Variants in CEMIP observed in about 807,000 individuals in gnomAD.
The protein encoded by CEMIP is cell migration inducing hyaluronidase 1.
A neutral mutation model predicts 156.9 loss-of-function variants in CEMIP; 105 were observed. The ratio of observed to expected loss-of-function variants is 0.67; its 90% CI spans 0.57 to 0.79. The LOEUF (loss-of-function observed/expected upper bound fraction) is 0.79, where lower values mean the gene tolerates loss of function less well. Among genes scored for constraint, CEMIP ranks in the 30% least tolerant of loss-of-function variants. The pLI is 0.00. For missense variants in CEMIP, 1,457 were observed against 1,769.4 expected (o/e 0.82, Z 3.17); for synonymous variants, 676 against 668.4 (o/e 1.01, Z -0.17).
chr15:80,942,210 C>T (rs779400159), intron 26 of CEMIP, 41 bp from the exon 27 acceptor site: 11 of 1,574,120 alleles, frequency 7.0e-6, no homozygotes, highest in Non-Finnish European at 8.7e-6. Flanking sequence ...GGAATGACTA[C>T]CCAAACCTAA....
At chr15:80,887,923 G>C (rs1199557573) in intron 8 of CEMIP, among the ~76,000 whole-genome samples, 159 bp downstream of exon 8, 1 of 152,266 alleles carries the variant, frequency 6.6e-6, no homozygotes, top group African/African-American at 2.4e-5. Flanking sequence ...TTACATGGAA[G>C]TGGCAAAGGC....
intron 21 of CEMIP, 91 bp from the exon 22 acceptor site, chr15:80,931,768 C>G (rs1268342438): frequency 2.5e-5 from 33 of 1,322,600 alleles, no homozygotes; most frequent in Non-Finnish European, 3.6e-5. Flanking sequence ...TCAGAAGGGG[C>G]AAACATGGCG....
intron 25 of CEMIP, among the ~76,000 whole-genome samples, chr15:80,938,745 A>T (rs1364889116): frequency 6.6e-6 from 1 of 152,208 alleles, no homozygotes; most frequent in Admixed American, 6.5e-5. Flanking sequence ...TTCAATAGAG[A>T]TATAATGAAA....
chr15:80,904,414 C>T (rs1228265538), intron 12 of CEMIP, among the ~76,000 whole-genome samples: 1 of 152,160 alleles, frequency 6.6e-6, no homozygotes, highest in Non-Finnish European at 1.5e-5. Flanking sequence ...AAGGAGGACT[C>T]TGTGATAGAT....
intron 13 of CEMIP, 114 bp from the exon 14 acceptor site, chr15:80,908,983 C>T: frequency 1.0e-6 from 1 of 975,624 alleles, no homozygotes. Context: ...TTACTGAGTA[C>T]TAAGTGGAGA....
intron 12 of CEMIP, 131 bp downstream of exon 12, chr15:80,896,191 T>G (rs1477865301): frequency 1.1e-6 from 1 of 938,750 alleles, no homozygotes; most frequent in East Asian, 2.5e-5. Context: ...AAAAAAAATC[T>G]TAAAACTTCA....
Position 80,925,606 on chromosome 15 carries a change from C to G in CEMIP, c.2289-18C>G, listed in dbSNP as rs761472111. On this transcript the variant is annotated intron_variant, in intron 18 of 29. Coordinates refer to ENST00000394685, the MANE Select transcript of CEMIP (RefSeq NM_001293298.2). ...CCCCAACACCGCCACCTGTGCCCTC[C>G]CCATGGTTGTGCTGCAGATACAGCC... 6.2e-7 allele frequency: 1 copy of G among 1,610,846 alleles called. No homozygotes were observed. Among genetic ancestry groups the G allele is most frequent in the Middle Eastern group, 1.7e-4 (1 of 5,976 alleles).
intron 1 of CEMIP, among the ~76,000 whole-genome samples, chr15:80,851,355 G>A (rs377706102): frequency 9.9e-5 from 15 of 152,272 alleles, no homozygotes; most frequent in African/African-American, 3.1e-4. Context: ...TCATTGATCC[G>A]TTGAGCATTG....
chr15:80,816,343 G>C (rs1351693335), intron 1 of CEMIP, among the ~76,000 whole-genome samples: 1 of 152,100 alleles, frequency 6.6e-6, no homozygotes. Context: ...CAAAGAAATG[G>C]GTCCTTGAGG....
chr15:80,877,411 G>C (rs987189307), intron 3 of CEMIP, among the ~76,000 whole-genome samples: 5 of 152,094 alleles, frequency 3.3e-5, no homozygotes, highest in Non-Finnish European at 5.9e-5. Context: ...ACCTTGCTCT[G>C]CCATGAGCTT....
intron 1 of CEMIP, among the ~76,000 whole-genome samples, chr15:80,846,237 C>A (rs1218475291): frequency 6.6e-5 from 10 of 152,220 alleles, no homozygotes; most frequent in Admixed American, 6.5e-4. Flanking sequence ...CCCATAAACT[C>A]ACCCACATAG....
intron 1 of CEMIP, among the ~76,000 whole-genome samples, chr15:80,799,707 T>C (rs1896327288): frequency 6.6e-6 from 1 of 152,234 alleles, no homozygotes; most frequent in African/African-American, 2.4e-5. Flanking sequence ...AAAGAAAATG[T>C]ATATATATGC....
intron 1 of CEMIP, among the ~76,000 whole-genome samples, chr15:80,782,853 G>A (rs756090231): frequency 6.6e-6 from 1 of 152,174 alleles, no homozygotes; most frequent in Non-Finnish European, 1.5e-5. Context: ...TTGAATTCCT[G>A]GCTGTCTTCT....
At chr15:80,892,993 C>T (rs1393188502) in intron 10 of CEMIP, among the ~76,000 whole-genome samples, 1 of 152,098 alleles carries the variant, frequency 6.6e-6, no homozygotes, top group Non-Finnish European at 1.5e-5. Context: ...TCGAGACCAG[C>T]CTGGCCAAGC....
intron 10 of CEMIP, 43 bp from the exon 11 acceptor site, chr15:80,894,947 A>G (rs979373867): frequency 4.3e-6 from 7 of 1,609,262 alleles, no homozygotes; most frequent in Middle Eastern, 1.7e-4. Context: ...CTTCTCTATA[A>G]AAAAAAAACG....
intron 1 of CEMIP, among the ~76,000 whole-genome samples, chr15:80,824,578 C>T (rs1447088734): frequency 2.0e-5 from 3 of 152,204 alleles, no homozygotes; most frequent in Non-Finnish European, 4.4e-5. Flanking sequence ...CCAGCCACTA[C>T]ACCTCAATTC....
intron 21 of CEMIP, among the ~76,000 whole-genome samples, chr15:80,931,411 G>A (rs1900906358): frequency 6.6e-6 from 1 of 152,150 alleles, no homozygotes. Context: ...AGGCGATAAT[G>A]ACTAACAGCT....
In CEMIP at chr15:80,884,281, C is replaced by T. The variant is rs771084010; in HGVS notation, c.724C>T (p.Arg242Ter). ...LSVAVNDEGSRNLDDMARKAM... is the reference protein window; with the variant it reads ...LSVAVNDEGS ...TGTTGCAGTGAATGATGAAGGTTCT[C>T]GAAATCTGGATGACATGGCCAGGAA... Residue 242 changes from arginine (R) to a stop codon, truncating the protein, a stop_gained, in exon 7 of 30, where the codon CGA becomes TGA. Transcript: ENST00000394685. LOFTEE classifies it high-confidence loss of function. 6.2e-7 allele frequency: 1 copy of T among 1,614,196 alleles called. No individual in the cohort carries two copies. Among genetic ancestry groups the T allele is most frequent in the Non-Finnish European group, 8.5e-7 (1 of 1,180,030 alleles).
In CEMIP at chr15:80,932,832, A is replaced by ATG. The variant is rs1249211879; in HGVS notation, c.2794-403_2794-402dup. On this transcript the variant is annotated intron_variant, in intron 22 of 29. Coordinates refer to ENST00000394685, the MANE Select transcript of CEMIP (RefSeq NM_001293298.2). The surrounding 1 kb of genome is among the most constrained non-coding windows in gnomAD (Gnocchi z 4.5). ...CTCTCGCACACGGATGCCCCCGTGT[A>ATG]TGTGTGTGTGTATGTGTAAAAGTGT... 6.6e-6 allele frequency among the ~76,000 whole-genome samples: 1 copy of ATG among 152,106 alleles called. No homozygotes were observed. Among genetic ancestry groups the ATG allele is most frequent in the African/African-American group, 2.4e-5 (1 of 41,422 alleles).
Sources: gnomAD v4.1 joint callset for allele counts (sites outside exome capture counted in the v4.1 genomes callset) on GRCh38, gnomAD v4.1.1 for gene constraint, Gnocchi (gnomAD v3.1) non-coding constraint, MANE v1.5 for transcripts, NCBI Gene and HGNC (gene_info 2026-07-23, HGNC 2026-07-21) for gene names.